Variants in NUBPL observed in about 807,000 individuals in gnomAD.
NUBPL encodes iron-sulfur cluster transfer protein NUBPL.
NUBPL carries 31 observed loss-of-function variants against 45.7 expected under a neutral mutation model. The observed-to-expected ratio is 0.68, with a 90% CI of 0.51 to 0.92. NUBPL has a LOEUF of 0.92. Among genes scored for constraint, NUBPL ranks in the 40% least tolerant of loss-of-function variants. The pLI, the probability that NUBPL is intolerant of heterozygous loss-of-function variation, is 0.00. For synonymous variants in NUBPL, 144 were observed against 140.9 expected, an observed-to-expected ratio of 1.02 and a Z score of -0.15; for missense variants, 401 against 398.7, an observed-to-expected ratio of 1.01 and a Z score of -0.05.
At chr14:31,676,924 TTA>T (rs1466271736) in intron 6 of NUBPL, among the ~76,000 whole-genome samples, 1 of 152,060 alleles carries the variant, frequency 6.6e-6, no homozygotes, top group Non-Finnish European at 1.5e-5. Context: ...TTCCAATTTC[TTA>T]TCTTTTTTAT....
chr14:31,818,494 G>T (rs1045823928), intron 7 of NUBPL, among the ~76,000 whole-genome samples: 2 of 152,076 alleles, frequency 1.3e-5, no homozygotes, highest in African/African-American at 4.8e-5. Flanking sequence ...TGTTGATATA[G>T]CATTGTTTCC....
chr14:31,811,389 C>T (rs190729040), intron 7 of NUBPL, among the ~76,000 whole-genome samples: 3 of 152,274 alleles, frequency 2.0e-5, no homozygotes, highest in African/African-American at 7.2e-5. Context: ...CACTGATACC[C>T]TTTCTTCCAC....
At chr14:31,832,302 G>A (rs2040205187) in intron 8 of NUBPL, among the ~76,000 whole-genome samples, 1 of 152,152 alleles carries the variant, frequency 6.6e-6, no homozygotes, top group Non-Finnish European at 1.5e-5. Context: ...AGTGGAAGGG[G>A]AAATGAATGT....
intron 3 of NUBPL, among the ~76,000 whole-genome samples, chr14:31,584,418 C>T (rs933053616): frequency 3.3e-5 from 5 of 152,204 alleles, no homozygotes; most frequent in Non-Finnish European, 7.3e-5. Flanking sequence ...AGCCATTGCA[C>T]CTGACCCCCA....
In NUBPL at chr14:31,646,963, C is replaced by G. The variant is rs571627343; in HGVS notation, c.383-26392C>G. Among the ~76,000 whole-genome samples, 43 of 151,934 alleles carry G rather than the reference C, an allele frequency of 2.8e-4. 1 individual carries two copies. In the South Asian group the frequency reaches 8.1e-3, roughly 29 times the overall value. The stretch of plus-strand genomic sequence containing the variant: ...TGTTTTTGAGCTTACTGATTCTTTC[C>G]TTTGCTTGATCCAGTCTGCTGCTGA... On this transcript the variant is annotated intron_variant, in intron 4 of 10. Transcript: ENST00000281081.
At chr14:31,646,240 G>T (rs1340027414) in intron 4 of NUBPL, among the ~76,000 whole-genome samples, 1 of 151,884 alleles carries the variant, frequency 6.6e-6, no homozygotes, top group Admixed American at 6.6e-5. Context: ...ACGCTAGAGT[G>T]CAGTGGCATG....
At chr14:31,856,946 T>A (rs1161970937) in intron 10 of NUBPL, among the ~76,000 whole-genome samples, 1 of 152,132 alleles carries the variant, frequency 6.6e-6, no homozygotes, top group Non-Finnish European at 1.5e-5. Context: ...TGGAGGATGG[T>A]GACTGTCTTC....
At chr14:31,582,615 T>A (rs1012692302) in intron 3 of NUBPL, among the ~76,000 whole-genome samples, 1 of 152,156 alleles carries the variant, frequency 6.6e-6, no homozygotes, top group Non-Finnish European at 1.5e-5. Flanking sequence ...GAGGCAAATC[T>A]TAGTATTACT....
chr14:31,651,892 C>G (rs1214811792), intron 4 of NUBPL, among the ~76,000 whole-genome samples: 1 of 138,160 alleles, frequency 7.2e-6, no homozygotes, highest in Non-Finnish European at 1.5e-5. Flanking sequence ...GAGCGAGACT[C>G]TGTCTCAAAA....
In NUBPL at chr14:31,604,841, T is replaced by G. The variant is rs143363010; in HGVS notation, c.382+5462T>G. On this transcript the variant is annotated intron_variant, in intron 4 of 10. Transcript: ENST00000281081. Reference sequence around the variant, plus strand: ...TTGAAGATTTTAAGTTTATAATAGTTTTGAGTTTCTTAGGCTGAGAATGTT... The same window carrying G: ...TTGAAGATTTTAAGTTTATAATAGTGTTGAGTTTCTTAGGCTGAGAATGTT... Among the ~76,000 whole-genome samples the G allele has an allele frequency of 3.7e-4, 57 of 152,300 alleles. No homozygotes were observed. The East Asian group carries it at 9.3e-3, about 25-fold the overall frequency.
intron 6 of NUBPL, among the ~76,000 whole-genome samples, chr14:31,687,849 G>A (rs2036990705): frequency 6.6e-6 from 1 of 152,198 alleles, no homozygotes; most frequent in Non-Finnish European, 1.5e-5. Flanking sequence ...TGCTTGATAT[G>A]TACCATAGAA....
At chr14:31,646,450 A>G (rs1156662967) in intron 4 of NUBPL, among the ~76,000 whole-genome samples, 1 of 152,126 alleles carries the variant, frequency 6.6e-6, no homozygotes. Context: ...GGCCTCCCAA[A>G]GTGCTGGGAT....
intron 4 of NUBPL, among the ~76,000 whole-genome samples, chr14:31,667,019 G>T (rs1341080038): frequency 6.6e-6 from 1 of 151,986 alleles, no homozygotes; most frequent in Non-Finnish European, 1.5e-5. Context: ...TGAATCTGAT[G>T]ATTATGTGTC....
intron 2 of NUBPL, 82 bp from the exon 3 acceptor site, chr14:31,564,932 T>A (rs1341321371): frequency 1.5e-5 from 11 of 754,934 alleles, no homozygotes; most frequent in Non-Finnish European, 4.5e-6. Context: ...TTATTAAAAA[T>A]TACATGAAAA....
At chr14:31,601,363 G>C (rs531242777) in intron 4 of NUBPL, among the ~76,000 whole-genome samples, 1 of 152,264 alleles carries the variant, frequency 6.6e-6, no homozygotes, top group Admixed American at 6.5e-5. Context: ...CCATTTTCAT[G>C]ATATTGATTC....
At chr14:31,699,738 G>A (rs1428411405) in intron 6 of NUBPL, among the ~76,000 whole-genome samples, 4 of 152,208 alleles carry the variant, frequency 2.6e-5, no homozygotes, top group Non-Finnish European at 4.4e-5. Flanking sequence ...ACATTTCTGA[G>A]TGAATGTATC....
intron 4 of NUBPL, among the ~76,000 whole-genome samples, chr14:31,634,063 A>C (rs2035417792): frequency 6.6e-6 from 1 of 151,930 alleles, no homozygotes; most frequent in Non-Finnish European, 1.5e-5. Context: ...GAAAAGCGAC[A>C]AAATCAGTTC....
intron 10 of NUBPL, among the ~76,000 whole-genome samples, chr14:31,855,841 T>A (rs913043427): frequency 3.9e-5 from 6 of 152,194 alleles, no homozygotes; most frequent in African/African-American, 1.4e-4. Flanking sequence ...AAAGCCCAGC[T>A]CATCTCTTAC....
At chr14:31,720,143 G>C (rs1253902408) in intron 6 of NUBPL, among the ~76,000 whole-genome samples, 1 of 151,822 alleles carries the variant, frequency 6.6e-6, no homozygotes, top group Non-Finnish European at 1.5e-5. Context: ...TATTCTCATC[G>C]CCCACTTCTC....
Sources: allele counts gnomAD v4.1 joint callset (sites outside exome capture counted in the v4.1 genomes callset), GRCh38; gene constraint gnomAD v4.1.1; transcripts MANE v1.5; gene names NCBI Gene and HGNC (gene_info 2026-07-23, HGNC 2026-07-21).